Variants in DPP10 observed in about 807,000 individuals in gnomAD.
The protein encoded by DPP10 is inactive dipeptidyl peptidase 10.
A neutral mutation model predicts 120.9 loss-of-function variants in DPP10; 33 were observed. The ratio of observed to expected loss-of-function variants is 0.27; its 90% confidence interval spans 0.21 to 0.37. The LOEUF (loss-of-function observed/expected upper bound fraction) is 0.37. DPP10 is among the 10% of genes least tolerant of loss of function. DPP10 has a pLI of 1.00. For missense variants in DPP10, 816 were observed against 942.8 expected, an observed-to-expected ratio of 0.87 and a Z score of 1.76; for synonymous variants, 337 against 326.1, an observed-to-expected ratio of 1.03 and a Z score of -0.36.
intron 1 of DPP10, among the ~76,000 whole-genome samples, chr2:115,228,690 G>T (rs2057572637): frequency 6.6e-6 from 1 of 152,000 alleles, no homozygotes. Flanking sequence ...CATCCATGTT[G>T]TTGCAAATGA....
chr2:115,194,641 C>G (rs563688655), intron 1 of DPP10, among the ~76,000 whole-genome samples: 2 of 152,094 alleles, frequency 1.3e-5, no homozygotes, highest in African/African-American at 4.8e-5. Flanking sequence ...GCCCGTCTTG[C>G]GTGAGCTTTT....
chr2:115,146,181 T>C (rs975528623), intron 1 of DPP10, among the ~76,000 whole-genome samples: 6 of 152,102 alleles, frequency 3.9e-5, no homozygotes, highest in Non-Finnish European at 7.4e-5. Context: ...CATACATTTT[T>C]CCTCAAAGTG....
chr2:115,055,586 T>C (rs1372490431), intron 1 of DPP10, among the ~76,000 whole-genome samples: 7 of 152,214 alleles, frequency 4.6e-5, no homozygotes, highest in Admixed American at 6.5e-5. Flanking sequence ...TTTATTTTCA[T>C]AGTAAACCTC....
At chr2:114,588,518 T>A (rs187602357) in intron 1 of DPP10, among the ~76,000 whole-genome samples, 2 of 152,326 alleles carry the variant, frequency 1.3e-5, no homozygotes, top group African/African-American at 4.8e-5. Flanking sequence ...ATATTGAATA[T>A]TCCCAACACA....
intron 19 of DPP10, among the ~76,000 whole-genome samples, chr2:115,793,939 CAT>C (rs1158260670): frequency 1.3e-5 from 2 of 151,898 alleles, no homozygotes; most frequent in Non-Finnish European, 2.9e-5. Context: ...TGCTTGAAAA[CAT>C]ATAAGGGTCA....
chr2:114,695,061 T>C (rs1309997943), intron 1 of DPP10, among the ~76,000 whole-genome samples: 1 of 152,028 alleles, frequency 6.6e-6, no homozygotes, highest in Non-Finnish European at 1.5e-5. Context: ...AGGAGTTAAA[T>C]GAAAATACTC....
intron 5 of DPP10, among the ~76,000 whole-genome samples, chr2:115,675,350 TA>T (rs922292572): frequency 3.3e-5 from 5 of 151,486 alleles, no homozygotes; most frequent in African/African-American, 4.8e-5. Flanking sequence ...ATGGATGCTT[TA>T]AAAAAAAATG....
chr2:115,775,684 C>T (rs1291701330), intron 13 of DPP10, among the ~76,000 whole-genome samples: 1 of 151,990 alleles, frequency 6.6e-6, no homozygotes, highest in Non-Finnish European at 1.5e-5. Context: ...CAATTTATGA[C>T]ATGGGTATCA....
At chr2:115,333,095 A>G (rs2062860195) in intron 2 of DPP10, among the ~76,000 whole-genome samples, 1 of 151,950 alleles carries the variant, frequency 6.6e-6, no homozygotes, top group Admixed American at 6.6e-5. Flanking sequence ...TGCTTTATGA[A>G]TCTGGGTGCT....
At chr2:115,624,906 A>G (rs1432673663) in intron 5 of DPP10, among the ~76,000 whole-genome samples, 2 of 152,158 alleles carry the variant, frequency 1.3e-5, no homozygotes, top group African/African-American at 2.4e-5. Context: ...ATAAGGAAAA[A>G]AGTGGAACAG....
chr2:114,687,692 T>C (rs1699463036), intron 1 of DPP10, among the ~76,000 whole-genome samples: 1 of 151,918 alleles, frequency 6.6e-6, no homozygotes, highest in African/African-American at 2.4e-5. Context: ...TTGAAGGAGT[T>C]ATAATCTCTT....
At position 115,377,910 on chromosome 2, in the gene DPP10, A is replaced by G. The variant is rs1421997838; in HGVS notation, c.271+33998A>G. ...GGGCTCTGTTCTGTTCCATTGGTCT[A>G]TATCTCTGTTTTGGTACCAGTACCA... is the stretch of plus-strand genomic sequence containing the variant. On this transcript the variant is annotated intron_variant, in intron 3 of 25. Coordinates refer to ENST00000410059, the MANE Select transcript of DPP10 (RefSeq NM_020868.6). Among the ~76,000 whole-genome samples the G allele has an allele frequency of 8.5e-5, 13 of 152,136 alleles. No individual in the cohort carries two copies. In the East Asian group the frequency reaches 2.1e-3, roughly 25 times the overall value.
intron 3 of DPP10, among the ~76,000 whole-genome samples, chr2:115,384,408 GAGAAGAAGAAGAAGA>G (rs143889616): frequency 6.7e-6 from 1 of 148,778 alleles, no homozygotes; most frequent in African/African-American, 2.5e-5. Context: ...GAAGGAGAAG[GAGAAGAAGAAGAAGA>G]AGAAGGAGAA....
At chr2:114,823,460 T>G (rs939783993) in intron 1 of DPP10, among the ~76,000 whole-genome samples, 2 of 152,150 alleles carry the variant, frequency 1.3e-5, no homozygotes, top group African/African-American at 4.8e-5. Context: ...TCTTAAAATT[T>G]TATCTTATTC....
chr2:114,515,710 T>C (rs1684539011), intron 1 of DPP10, among the ~76,000 whole-genome samples: 1 of 152,078 alleles, frequency 6.6e-6, no homozygotes, highest in Admixed American at 6.6e-5. Flanking sequence ...GGCTCTCCTC[T>C]TCTTCTTCCT....
At chr2:115,177,118 A>T (rs564442722) in intron 1 of DPP10, among the ~76,000 whole-genome samples, 1 of 152,196 alleles carries the variant, frequency 6.6e-6, no homozygotes, top group Non-Finnish European at 1.5e-5. Flanking sequence ...CTGACTTTTT[A>T]ATTGTGCATA....
At chr2:114,693,598 G>C (rs1209644386) in intron 1 of DPP10, among the ~76,000 whole-genome samples, 4 of 151,852 alleles carry the variant, frequency 2.6e-5, no homozygotes, top group African/African-American at 9.7e-5. Flanking sequence ...GGAGTTCTCT[G>C]AATTTCCTGA....
intron 13 of DPP10, among the ~76,000 whole-genome samples, chr2:115,769,645 A>G (rs1459125958): frequency 6.6e-6 from 1 of 152,120 alleles, no homozygotes; most frequent in East Asian, 1.9e-4. Context: ...CTCTAAATAA[A>G]TGCATTTATA....
intron 4 of DPP10, among the ~76,000 whole-genome samples, chr2:115,522,836 C>T (rs2077897655): frequency 6.6e-6 from 1 of 152,004 alleles, no homozygotes; most frequent in Non-Finnish European, 1.5e-5. Context: ...AATCAACTTC[C>T]CCAAACCACA....
Sources: allele counts gnomAD v4.1 joint callset (sites outside exome capture counted in the v4.1 genomes callset), GRCh38; gene constraint gnomAD v4.1.1; transcripts MANE v1.5; gene names NCBI Gene and HGNC (gene_info 2026-07-23, HGNC 2026-07-21).